The following PIGF variants were observed in gnomAD, a reference collection of about 807,000 sequenced individuals.
PIGF encodes the protein GPI ethanolamine phosphate transferase, stabilizing subunit.
Under a neutral mutation model 26.0 loss-of-function variants are expected in PIGF, and 23 were observed. That is an observed-to-expected ratio of 0.88 (90% CI 0.64 to 1.25). The LOEUF (loss-of-function observed/expected upper bound fraction) is 1.25, where lower values mean the gene tolerates loss of function less well. Ranked by LOEUF, PIGF falls within the 50% of genes most tolerant of loss-of-function variation. The pLI, the probability that PIGF is intolerant of heterozygous loss-of-function variation, is 0.00. For synonymous variants in PIGF, 93 were observed against 92.6 expected (o/e 1.00, Z -0.03); for missense variants, 278 against 249.9 (o/e 1.11, Z -0.76).
At chr2:46,585,874 C>A (rs569551309) in intron 5 of PIGF, among the ~76,000 whole-genome samples, 121 of 152,068 alleles carry the variant, frequency 8.0e-4, no homozygotes, top group Middle Eastern at 3.4e-3. Flanking sequence ...CCCAGGTTCA[C>A]GCTATTCTCC....
At chr2:46,591,942 G>T (rs1366332789) in intron 5 of PIGF, 2 of 1,302,920 alleles carry the variant, frequency 1.5e-6, no homozygotes, top group Admixed American at 2.3e-5. Context: ...ATTTCAAGAG[G>T]AACATTCAAT....
chr2:46,581,824 C>G, intron 5 of PIGF: 2 of 438,194 alleles, frequency 4.6e-6, no homozygotes, highest in Non-Finnish European at 7.5e-6. Context: ...TTTGACGCTC[C>G]CCAAAGTGCA....
intron 5 of PIGF, among the ~76,000 whole-genome samples, chr2:46,586,579 G>A (rs1442100215): frequency 2.0e-5 from 3 of 152,124 alleles, no homozygotes; most frequent in African/African-American, 7.2e-5. Flanking sequence ...TCTCTCTCGA[G>A]ATAAAAAGGA....
intron 5 of PIGF, among the ~76,000 whole-genome samples, chr2:46,584,726 T>C (rs2104059909): frequency 6.6e-6 from 1 of 152,338 alleles, no homozygotes; most frequent in African/African-American, 2.4e-5. Flanking sequence ...AGTACCTCCT[T>C]GGCTTTCCTG....
chr2:46,603,506 C>G (rs962834498), intron 4 of PIGF, among the ~76,000 whole-genome samples: 2 of 150,472 alleles, frequency 1.3e-5, no homozygotes, highest in African/African-American at 5.0e-5. Flanking sequence ...GGCATAAAAA[C>G]AGGCACATAG....
At chr2:46,590,393 C>T (rs1469629491) in intron 5 of PIGF, among the ~76,000 whole-genome samples, 1 of 152,074 alleles carries the variant, frequency 6.6e-6, no homozygotes, top group Non-Finnish European at 1.5e-5. Context: ...CAAACCTAAA[C>T]ACATATTTTA....
chr2:46,613,933 T>G, intron 2 of PIGF, 148 bp from the exon 3 acceptor site: 1 of 657,960 alleles, frequency 1.5e-6, no homozygotes, highest in Non-Finnish European at 2.6e-6. Context: ...TCACATGTCC[T>G]GTACCGTCAC....
chr2:46,612,725 T>C (rs1334906076), intron 3 of PIGF, among the ~76,000 whole-genome samples: 2 of 152,234 alleles, frequency 1.3e-5, no homozygotes, highest in South Asian at 2.1e-4. Flanking sequence ...TGAACCACTA[T>C]TGAATACTAG....
At chr2:46,596,204 C>T (rs950757790) in intron 4 of PIGF, among the ~76,000 whole-genome samples, 4 of 146,820 alleles carry the variant, frequency 2.7e-5, no homozygotes, top group Non-Finnish European at 5.9e-5. Context: ...CAGAGCGAGA[C>T]CCCATCTCAA....
At chr2:46,610,169 C>G (rs1041688962) in intron 4 of PIGF, among the ~76,000 whole-genome samples, 11 of 152,170 alleles carry the variant, frequency 7.2e-5, no homozygotes, top group African/African-American at 2.7e-4. Context: ...GACCTAACCC[C>G]ATCTTTCCCA....
chr2:46,599,913 A>G (rs942684666), intron 4 of PIGF, among the ~76,000 whole-genome samples: 58 of 152,136 alleles, frequency 3.8e-4, no homozygotes, highest in African/African-American at 1.1e-3. Context: ...ACTAGCCCCA[A>G]TTTTCCCTGT....
intron 5 of PIGF, chr2:46,591,942 G>A (rs1366332789): frequency 7.7e-7 from 1 of 1,302,922 alleles, no homozygotes; most frequent in South Asian, 1.2e-5. Context: ...ATTTCAAGAG[G>A]AACATTCAAT....
At chr2:46,584,159 T>C (rs115225243) in intron 5 of PIGF, among the ~76,000 whole-genome samples, 101 of 152,344 alleles carry the variant, frequency 6.6e-4, no homozygotes, top group African/African-American at 2.4e-3. Context: ...TTTTAAATGA[T>C]TGTTACTTTA....
Position 46,584,039 on chromosome 2 carries a change from T to C in PIGF, c.547-2448A>G, listed in dbSNP as rs1223358579. ...GAATTCTATTTACAATAAGTGGAGCTTGGATTAATGGGTTTTGTTATGAAT... is the reference window on the plus strand; with the variant it reads ...GAATTCTATTTACAATAAGTGGAGCCTGGATTAATGGGTTTTGTTATGAAT... On this transcript the variant is annotated intron_variant, in intron 5 of 5. Transcript: ENST00000281382. Among the ~76,000 whole-genome samples the C allele has an allele frequency of 2.0e-5, 3 of 152,186 alleles. 1 individual carries two copies. The highest frequency in any genetic ancestry group is 1.5e-5 in the Non-Finnish European group (1 of 67,998).
intron 3 of PIGF, among the ~76,000 whole-genome samples, chr2:46,613,442 T>C (rs890132239): frequency 7.2e-5 from 11 of 152,170 alleles, no homozygotes; most frequent in Admixed American, 2.0e-4. Flanking sequence ...ATTGGTATAG[T>C]ATAGTTTCTC....
At chr2:46,607,225 G>T (rs1407089190) in intron 4 of PIGF, among the ~76,000 whole-genome samples, 2 of 152,196 alleles carry the variant, frequency 1.3e-5, no homozygotes, top group Non-Finnish European at 2.9e-5. Flanking sequence ...CACATCTGGT[G>T]TTAATTTTCC....
intron 4 of PIGF, among the ~76,000 whole-genome samples, chr2:46,610,524 TC>T (rs1670376534): frequency 1.5e-5 from 2 of 130,926 alleles, no homozygotes; most frequent in Admixed American, 1.6e-4. Flanking sequence ...CAGTACTGAT[TC>T]CTTTTTTTTT....
intron 4 of PIGF, among the ~76,000 whole-genome samples, chr2:46,611,471 A>T (rs1670415812): frequency 6.9e-6 from 1 of 145,696 alleles, no homozygotes; most frequent in South Asian, 2.2e-4. Flanking sequence ...CGACAGAGCG[A>T]GGTTCCATCT....
chr2:46,592,198 TAAAC>T (rs1351353200), intron 5 of PIGF, among the ~76,000 whole-genome samples: 1 of 152,064 alleles, frequency 6.6e-6, no homozygotes, highest in Admixed American at 6.5e-5. Context: ...TTAAAAACAA[TAAAC>T]AAACCGCCTA....
Sources: allele counts gnomAD v4.1 joint callset (sites outside exome capture counted in the v4.1 genomes callset), GRCh38; gene constraint gnomAD v4.1.1; transcripts MANE v1.5; gene names NCBI Gene and HGNC (gene_info 2026-07-23, HGNC 2026-07-21).